The following CROT variants were observed in gnomAD, a reference collection of about 807,000 sequenced individuals.
CROT encodes carnitine O-octanoyltransferase, also known as peroxisomal carnitine O-octanoyltransferase.
In CROT, 84 loss-of-function variants were observed where a neutral mutation model predicts 89.2. The ratio of observed to expected loss-of-function variants is 0.94; its 90% CI spans 0.79 to 1.13. The LOEUF (loss-of-function observed/expected upper bound fraction) is 1.13. Ranked by LOEUF, CROT falls within the 50% of genes most tolerant of loss-of-function variation. The pLI is 0.00. For synonymous variants in CROT, 212 were observed against 239.5 expected, an observed-to-expected ratio of 0.89 and a Z score of 1.06; for missense variants, 711 against 727.8, an observed-to-expected ratio of 0.98 and a Z score of 0.27.
intron 12 of CROT, 22 bp downstream of exon 12, chr7:87,382,203 T>G: frequency 6.4e-7 from 1 of 1,555,670 alleles, no homozygotes; most frequent in Non-Finnish European, 8.8e-7. Context: ...ACTTTTCTCT[T>G]AAATAATAAT....
chr7:87,371,421 G>A (rs1296663573), intron 7 of CROT, among the ~76,000 whole-genome samples: 1 of 152,124 alleles, frequency 6.6e-6, no homozygotes, highest in Non-Finnish European at 1.5e-5. Context: ...TATTATAGTT[G>A]ATGTGACCAT....
At chr7:87,367,726 G>A (rs1206949019) in intron 6 of CROT, among the ~76,000 whole-genome samples, 2 of 152,016 alleles carry the variant, frequency 1.3e-5, no homozygotes, top group African/African-American at 4.8e-5. Flanking sequence ...CTCTCTCTCT[G>A]CTGCTTATCA....
intron 4 of CROT, 32 bp downstream of exon 4, chr7:87,359,362 G>T: frequency 1.9e-6 from 3 of 1,550,208 alleles, no homozygotes; most frequent in East Asian, 2.3e-5. Flanking sequence ...TAATGATGAT[G>T]TTTAAAGAAT....
At chr7:87,394,144 A>G (rs1179240026) in intron 17 of CROT, among the ~76,000 whole-genome samples, 5 of 152,290 alleles carry the variant, frequency 3.3e-5, no homozygotes, top group Admixed American at 3.3e-4. Context: ...TTTCAATCAT[A>G]ATTGCATTAA....
intron 7 of CROT, among the ~76,000 whole-genome samples, chr7:87,370,593 C>CA (rs1379036822): frequency 6.6e-6 from 1 of 152,134 alleles, no homozygotes; most frequent in Admixed American, 6.5e-5. Context: ...TTAAATATTG[C>CA]AAACATGTAC....
rs547307964 is a variant in CROT at position 87,364,081 on chromosome 7, C to T, written c.547+2229C>T. Reference sequence around the variant, plus strand: ...GAGGAGAAGCAAGTGGTCTTTAAACCGTCTTGAATTTAAGATGCCTTTTAG... The same window carrying T: ...GAGGAGAAGCAAGTGGTCTTTAAACTGTCTTGAATTTAAGATGCCTTTTAG... On this transcript the variant is annotated intron_variant, in intron 6 of 17. Transcript: ENST00000331536. Among the ~76,000 whole-genome samples the T allele has an allele frequency of 3.9e-5, 6 of 152,222 alleles. No individual in the cohort carries two copies. In the East Asian group the frequency reaches 7.7e-4, roughly 20 times the overall value.
chr7:87,396,285 C>T (rs919709933), intron 17 of CROT, among the ~76,000 whole-genome samples: 12 of 152,014 alleles, frequency 7.9e-5, no homozygotes, highest in East Asian at 3.9e-4. Context: ...TGAAAAATCA[C>T]GCACTAATAG....
In CROT at chr7:87,361,715, CT is replaced by C. The variant is rs35136455; in HGVS notation, c.423-6del. ...TTATAATGACTTTTTGATCAAAATC[CT>C]TTTTTTAATAGAGAAAAAGTGCCTG... is the stretch of plus-strand genomic sequence containing the variant. On this transcript the variant is annotated splice_polypyrimidine_tract_variant and intron_variant, in intron 5 of 17. Coordinates refer to ENST00000331536, the MANE Select transcript of CROT (RefSeq NM_021151.4). 2.6e-6 allele frequency: 4 copies of C among 1,561,266 alleles called. No homozygotes were observed. Among genetic ancestry groups the C allele is most frequent in the Non-Finnish European group, 3.5e-6 (4 of 1,158,268 alleles).
At chr7:87,392,908 C>T (rs1807415971) in intron 16 of CROT, 40 bp from the exon 17 acceptor site, 1 of 1,612,800 alleles carries the variant, frequency 6.2e-7, no homozygotes, top group East Asian at 2.2e-5. Flanking sequence ...ATATAAGCAT[C>T]TGTAGGCCTA....
intron 6 of CROT, 110 bp downstream of exon 6, chr7:87,361,962 CAAAG>C: frequency 1.0e-6 from 1 of 976,478 alleles, no homozygotes; most frequent in East Asian, 2.7e-5. Context: ...GGGACTTTGA[CAAAG>C]AAAGGTTTTC....
At chr7:87,361,970 G>A in intron 6 of CROT, 118 bp downstream of exon 6, 1 of 890,672 alleles carries the variant, frequency 1.1e-6, no homozygotes. Context: ...GACAAAGAAA[G>A]GTTTTCTGTG....
intron 17 of CROT, among the ~76,000 whole-genome samples, chr7:87,395,681 C>A (rs547072527): frequency 6.6e-6 from 1 of 152,250 alleles, no homozygotes; most frequent in East Asian, 1.9e-4. Context: ...GATGTTTTGT[C>A]ACTGAAGTCA....
At position 87,398,745 on chromosome 7, in the gene CROT, A is replaced by G. The variant is rs1317609383; in HGVS notation, c.*101A>G. 4 of 1,141,854 alleles carry G rather than the reference A, an allele frequency of 3.5e-6. No individual in the cohort carries two copies. The highest frequency in any genetic ancestry group is 3.7e-6 in the Non-Finnish European group (3 of 807,980). 70.7% of individuals were successfully genotyped at this position (1,141,854 alleles called of 1,614,324 possible). On this transcript the variant is annotated 3_prime_UTR_variant, in exon 18 of 18. Transcript: ENST00000331536. ...TGGGAAGGAATGTTGACTTGCTAACATTCCTTTAACAAGTTAAGAAAACTT... is the reference window on the plus strand; with the variant it reads ...TGGGAAGGAATGTTGACTTGCTAACGTTCCTTTAACAAGTTAAGAAAACTT...
At chr7:87,359,999 T>G in intron 4 of CROT, 4 of 982,404 alleles carry the variant, frequency 4.1e-6, no homozygotes, top group Non-Finnish European at 4.8e-6. Context: ...CAAGCTGATT[T>G]TTTTTGATGA....
chr7:87,365,086 T>A (rs1443619193), intron 6 of CROT, among the ~76,000 whole-genome samples: 3 of 152,196 alleles, frequency 2.0e-5, no homozygotes, highest in Admixed American at 2.0e-4. Flanking sequence ...TGTTTTTTTC[T>A]TCAGCATCAG....
At chr7:87,354,264 G>T in intron 3 of CROT, 1 of 449,304 alleles carries the variant, frequency 2.2e-6, no homozygotes. Context: ...GACAGCATAG[G>T]AATTATACAA....
At position 87,359,291 on chromosome 7, in the gene CROT, C is replaced by A; in HGVS notation, c.201C>A (p.His67Gln). 1 of 1,599,878 alleles carries A rather than the reference C, an allele frequency of 6.3e-7. No homozygotes were observed. The highest frequency in any genetic ancestry group is 1.1e-5 in the South Asian group (1 of 89,552). Residue 67 changes from histidine (H) to glutamine (Q), a missense_variant, in exon 4 of 18, where the codon CAC becomes CAA. Coordinates refer to ENST00000331536, the MANE Select transcript of CROT (RefSeq NM_021151.4). ...KFQSGIGEKL[H>Q]QKLLERAKGK... ...AAAGTGGGATTGGAGAAAAATTGCA[C>A]CAGAAATTGCTTGAAAGAGCAAAAG...
chr7:87,357,531 G>A (rs1405151205), intron 3 of CROT: 6 of 1,534,596 alleles, frequency 3.9e-6, no homozygotes, highest in Non-Finnish European at 5.3e-6. Context: ...TACCAGATAA[G>A]GGGTCTTGAT....
intron 17 of CROT, among the ~76,000 whole-genome samples, chr7:87,397,116 G>A (rs770940517): frequency 6.6e-6 from 1 of 152,096 alleles, no homozygotes; most frequent in Non-Finnish European, 1.5e-5. Context: ...CACTTTGGGA[G>A]GGATTACACT....
Sources: gnomAD v4.1 joint callset for allele counts (sites outside exome capture counted in the v4.1 genomes callset) on GRCh38, gnomAD v4.1.1 for gene constraint, MANE v1.5 for transcripts, NCBI Gene and HGNC (gene_info 2026-07-23, HGNC 2026-07-21) for gene names.